Variants in IER3IP1 observed in about 807,000 individuals in gnomAD.
The protein encoded by IER3IP1 is immediate early response 3-interacting protein 1.
IER3IP1 carries 16 observed loss-of-function variants against 12.2 expected under a neutral mutation model. That is an observed-to-expected ratio of 1.31 (90% CI 0.89 to 1.99). The LOEUF (loss-of-function observed/expected upper bound fraction) is 1.99. IER3IP1 is among the 30% of genes most tolerant of loss of function. The pLI, the probability that IER3IP1 is intolerant of heterozygous loss-of-function variation, is 0.00. For missense variants in IER3IP1, 95 were observed against 95.8 expected (o/e 0.99, Z 0.03); for synonymous variants, 42 against 40.0 (o/e 1.05, Z -0.19).
intron 1 of IER3IP1, among the ~76,000 whole-genome samples, chr18:47,175,503 G>A (rs1476152780): frequency 2.0e-5 from 3 of 151,942 alleles, no homozygotes; most frequent in East Asian, 3.9e-4. Flanking sequence ...TCACTCTATT[G>A]CCCAGGCTGG....
chr18:47,165,794 C>T (rs2063994326), intron 1 of IER3IP1, among the ~76,000 whole-genome samples: 1 of 152,220 alleles, frequency 6.6e-6, no homozygotes, highest in Non-Finnish European at 1.5e-5. Context: ...GGCCTGAAGC[C>T]TGGCCATCTG....
chr18:47,163,787 C>T (rs955061575), intron 1 of IER3IP1, among the ~76,000 whole-genome samples: 1 of 151,994 alleles, frequency 6.6e-6, no homozygotes, highest in Non-Finnish European at 1.5e-5. Flanking sequence ...AAAAGAAAGC[C>T]CTCTGCAATT....
Position 47,155,916 on chromosome 18 carries a change from T to C in IER3IP1, c.*261A>G. 1 of 360,536 alleles carries C rather than the reference T, an allele frequency of 2.8e-6. No homozygotes were observed. The highest frequency in any genetic ancestry group is 5.0e-6 in the Non-Finnish European group (1 of 200,890). The allele number at this position is 360,536 out of a possible 1,614,324, so 22.3% of individuals were successfully genotyped here. ...CCCTTTTAACAATCTCACCACAGCA[T>C]GAACTACTATTAACACTGAGCAATC... On this transcript the variant is annotated 3_prime_UTR_variant, in exon 3 of 3. Transcript: ENST00000256433.
intron 1 of IER3IP1, among the ~76,000 whole-genome samples, chr18:47,169,343 T>C (rs908931399): frequency 6.6e-6 from 1 of 152,206 alleles, no homozygotes; most frequent in African/African-American, 2.4e-5. Flanking sequence ...CTGATGGACA[T>C]CTGGGTTGTT....
chr18:47,168,335 T>A (rs2144434961), intron 1 of IER3IP1, among the ~76,000 whole-genome samples: 1 of 148,388 alleles, frequency 6.7e-6, no homozygotes, highest in African/African-American at 2.5e-5. Flanking sequence ...AAAAATCCCT[T>A]AAGTTTCACC....
chr18:47,159,103 A>G (rs968666057), intron 1 of IER3IP1, among the ~76,000 whole-genome samples: 4 of 152,252 alleles, frequency 2.6e-5, no homozygotes, highest in Admixed American at 1.3e-4. Context: ...TGCTAATGAC[A>G]GTCACACAGG....
intron 2 of IER3IP1, 130 bp downstream of exon 2, chr18:47,157,306 C>T (rs1441954342): frequency 1.4e-6 from 1 of 692,612 alleles, no homozygotes; most frequent in South Asian, 1.8e-5. Flanking sequence ...AACTTTCAAG[C>T]AGCAAAGCCA....
chr18:47,175,348 C>T (rs1443263114), intron 1 of IER3IP1, among the ~76,000 whole-genome samples: 1 of 152,214 alleles, frequency 6.6e-6, no homozygotes, highest in Non-Finnish European at 1.5e-5. Context: ...CCAACACGTT[C>T]CCTTCCTGTA....
chr18:47,162,470 A>T (rs1259695459), intron 1 of IER3IP1, among the ~76,000 whole-genome samples: 3 of 152,204 alleles, frequency 2.0e-5, no homozygotes, highest in Admixed American at 6.5e-5. Flanking sequence ...TTAAATGAAC[A>T]TCCTTAGATA....
At position 47,176,351 on chromosome 18, in the gene IER3IP1, C is replaced by T. The variant is rs540577361; in HGVS notation, c.-74G>A. 1,486 of 1,314,316 alleles carry T rather than the reference C, an allele frequency of 1.1e-3. 12 individuals carry two copies. The African/African-American group carries it at 0.019, about 16-fold the overall frequency. The allele number at this position is 1,314,316 out of a possible 1,614,324, so 81.4% of individuals were successfully genotyped here. On this transcript the variant is annotated 5_prime_UTR_variant, in exon 1 of 3. Transcript: ENST00000256433. ...GCAAGGGACGTGGCGCCTCCACGGC[C>T]GGCGCCTTCCTACGGAAGCCGATGG...
intron 1 of IER3IP1, among the ~76,000 whole-genome samples, chr18:47,163,541 CTG>C (rs778870174): frequency 1.3e-5 from 2 of 152,164 alleles, no homozygotes; most frequent in Non-Finnish European, 2.9e-5. Flanking sequence ...GAAAGCGAAA[CTG>C]TGAAATAAGG....
rs2063949197 is a variant in IER3IP1, at chr18:47,153,797, T to G, written c.*2380A>C. On this transcript the variant is annotated 3_prime_UTR_variant, in exon 3 of 3. Coordinates refer to ENST00000256433, the MANE Select transcript of IER3IP1 (RefSeq NM_016097.5). The stretch of plus-strand genomic sequence containing the variant: ...GCTATATTTTTGAAAATTTAGGGTT[T>G]TATGGAAATGCCTTGGGAAGCCTGA... The G allele has an allele frequency of 6.6e-6, 1 of 152,182 alleles. No homozygotes were observed. The highest frequency in any genetic ancestry group is 1.5e-5 in the Non-Finnish European group (1 of 68,046). The allele number at this position is 152,182 out of a possible 1,614,324, so 9.4% of individuals were successfully genotyped here. A position where few individuals can be genotyped will look rare whatever the true frequency, so the allele number is the denominator to read the frequency against.
At position 47,176,313 on chromosome 18, in the gene IER3IP1, C is replaced by T. The variant is rs755100536; in HGVS notation, c.-36G>A. On this transcript the variant is annotated 5_prime_UTR_variant, in exon 1 of 3. Transcript: ENST00000256433. ...GGCCGCCCCGAAGTCCAAGCGATTT[C>T]TCTCCCGCCGCCGCAAGGGACGTGG... 27 of 1,550,606 alleles carry T rather than the reference C, an allele frequency of 1.7e-5. No individual in the cohort carries two copies. The Admixed American group carries it at 5.0e-4, about 29-fold the overall frequency.
At chr18:47,174,533 G>T (rs1212518285) in intron 1 of IER3IP1, among the ~76,000 whole-genome samples, 2 of 152,088 alleles carry the variant, frequency 1.3e-5, no homozygotes, top group African/African-American at 4.8e-5. Flanking sequence ...GCCAGGCTTG[G>T]TGGTGCGTGC....
At chr18:47,157,393 C>T in intron 2 of IER3IP1, 43 bp downstream of exon 2, 4 of 1,547,408 alleles carry the variant, frequency 2.6e-6, no homozygotes, top group Non-Finnish European at 3.6e-6. Flanking sequence ...ACTTAAACCA[C>T]AACATTAAAA....
rs2063978910 is a variant in IER3IP1 at position 47,161,175 on chromosome 18, TAAG to T, written c.92-3641_92-3639del. ...CCTGAAAGACTCAAATATCAGGAAATAAGACTTCACTTTTAATCAACTTTTATT... is the reference window on the plus strand; with the variant it reads ...CCTGAAAGACTCAAATATCAGGAAATACTTCACTTTTAATCAACTTTTATT... On this transcript the variant is annotated intron_variant, in intron 1 of 2. Transcript: ENST00000256433. Among the ~76,000 whole-genome samples, 5 of 152,210 alleles carry T rather than the reference TAAG, an allele frequency of 3.3e-5. No individual in the cohort carries two copies. The South Asian group carries it at 1.0e-3, about 32-fold the overall frequency.
chr18:47,165,960 G>A (rs186253271), intron 1 of IER3IP1, among the ~76,000 whole-genome samples: 3 of 152,324 alleles, frequency 2.0e-5, no homozygotes, highest in African/African-American at 4.8e-5. Context: ...ATTTATGTGA[G>A]GGATGTTTCT....
At chr18:47,159,837 C>T (rs1269084605) in intron 1 of IER3IP1, among the ~76,000 whole-genome samples, 1 of 151,928 alleles carries the variant, frequency 6.6e-6, no homozygotes, top group Non-Finnish European at 1.5e-5. Context: ...TTCTAGGTGG[C>T]ACTTGCTCTT....
intron 1 of IER3IP1, among the ~76,000 whole-genome samples, chr18:47,164,441 G>A (rs1179650162): frequency 1.3e-5 from 2 of 151,574 alleles, no homozygotes; most frequent in Non-Finnish European, 2.9e-5. Context: ...GGGAGTCTCA[G>A]TTGTTTTTCT....
Sources: allele counts gnomAD v4.1 joint callset (sites outside exome capture counted in the v4.1 genomes callset), GRCh38; gene constraint gnomAD v4.1.1; transcripts MANE v1.5; gene names NCBI Gene and HGNC (gene_info 2026-07-23, HGNC 2026-07-21).